The following MYNN variants were observed in gnomAD, a reference collection of about 807,000 sequenced individuals.
The protein encoded by MYNN is zinc finger and BTB domain-containing protein 31.
Under a neutral mutation model 57.2 loss-of-function variants are expected in MYNN, and 22 were observed. The observed-to-expected ratio is 0.38, with a 90% CI of 0.27 to 0.55. MYNN has a LOEUF of 0.55. Ranked by LOEUF, MYNN falls within the 20% of genes least tolerant of loss-of-function variation. The probability of loss-of-function intolerance (pLI) is 0.71; values close to 1 mark genes in which losing one functional copy is unlikely to be tolerated. For synonymous variants in MYNN, 241 were observed against 257.1 expected (o/e 0.94, Z 0.60); for missense variants, 566 against 723.1 (o/e 0.78, Z 2.49).
In MYNN at chr3:169,786,911, G is replaced by T; in HGVS notation, c.*233G>T. 2.4e-6 allele frequency: 1 copy of T among 408,286 alleles called. No homozygotes were observed. Among genetic ancestry groups the T allele is most frequent in the Non-Finnish European group, 4.4e-6 (1 of 225,892 alleles). The allele number at this position is 408,286 out of a possible 1,614,324, so 25.3% of individuals were successfully genotyped here. On this transcript the variant is annotated 3_prime_UTR_variant, in exon 8 of 8. Coordinates refer to ENST00000349841, the MANE Select transcript of MYNN (RefSeq NM_018657.5). ...TAATGAATTATGTAGCACTATTTTG[G>T]GTGGATGAGTTTTATTTTCTTTTAA...
intron 4 of MYNN, among the ~76,000 whole-genome samples, chr3:169,781,821 T>C (rs1395720250): frequency 2.0e-5 from 3 of 151,202 alleles, no homozygotes; most frequent in African/African-American, 7.3e-5. Context: ...GAAATGGAAG[T>C]AGATAGAACA....
rs184515528 is a variant in MYNN at position 169,775,681 on chromosome 3, C to T, written c.266+1120C>T. On this transcript the variant is annotated intron_variant, in intron 2 of 7. Coordinates refer to ENST00000349841, the MANE Select transcript of MYNN (RefSeq NM_018657.5). ...CCTCCCCCTTTAATTCCACATTTCT[C>T]GGAGAAAAAATAGAAAAAACAAAAA... 2.3e-3 allele frequency among the ~76,000 whole-genome samples: 356 copies of T among 152,046 alleles called. 4 individuals carry two copies. In the South Asian group the frequency reaches 0.029, roughly 12 times the overall value.
Position 169,788,128 on chromosome 3 carries a change from A to G in MYNN, c.*1450A>G, listed in dbSNP as rs1778723364. On this transcript the variant is annotated 3_prime_UTR_variant, in exon 8 of 8. Transcript: ENST00000349841. Reference sequence around the variant, plus strand: ...TTTCTTTAATTCATTAATTTTCTCTATTTGGGACCCAAGTCATAAGAACCA... The same window carrying G: ...TTTCTTTAATTCATTAATTTTCTCTGTTTGGGACCCAAGTCATAAGAACCA... 1 of 151,954 alleles carries G rather than the reference A, an allele frequency of 6.6e-6. No individual in the cohort carries two copies. Among genetic ancestry groups the G allele is most frequent in the Admixed American group, 6.6e-5 (1 of 15,242 alleles). 9.4% of individuals were successfully genotyped at this position (151,954 alleles called of 1,614,324 possible). A position where few individuals can be genotyped will look rare whatever the true frequency, so the allele number is the denominator to read the frequency against.
At position 169,782,778 on chromosome 3, in the gene MYNN, A is replaced by AT. The variant is rs1287406695; in HGVS notation, c.1399+140dup. Reference sequence around the variant, plus strand: ...TATATTTCTATAAGCTATGTTTATGATTTTTGCACATATTTGTTAAATATA... The same window carrying AT: ...TATATTTCTATAAGCTATGTTTATGATTTTTTGCACATATTTGTTAAATATA... On this transcript the variant is annotated intron_variant, in intron 5 of 7. Coordinates refer to ENST00000349841, the MANE Select transcript of MYNN (RefSeq NM_018657.5). This position sits in a 1 kb window ranked among gnomAD's most constrained non-coding sequence, Gnocchi z 4.8. 7.3e-4 allele frequency: 468 copies of AT among 641,642 alleles called. 1 individual carries two copies. Among genetic ancestry groups the AT allele is most frequent in the Middle Eastern group, 6.1e-3 (14 of 2,300 alleles). 39.7% of individuals were successfully genotyped at this position (641,642 alleles called of 1,614,324 possible). A position where few individuals can be genotyped will look rare whatever the true frequency, so the allele number is the denominator to read the frequency against.
At chr3:169,785,962 AC>A (rs1236502691) in intron 7 of MYNN, among the ~76,000 whole-genome samples, 3 of 152,082 alleles carry the variant, frequency 2.0e-5, no homozygotes, top group African/African-American at 7.2e-5. Context: ...CTTATTAAAA[AC>A]ATTCAGTGAA....
At chr3:169,780,043 G>A (rs1259738584) in intron 3 of MYNN, 3 of 160,316 alleles carry the variant, frequency 1.9e-5, no homozygotes, top group Admixed American at 1.2e-4. Context: ...CTATTGGTAC[G>A]TTTACATTCG....
chr3:169,781,292 T>G (rs2108205117), intron 4 of MYNN, among the ~76,000 whole-genome samples: 1 of 152,320 alleles, frequency 6.6e-6, no homozygotes, highest in Non-Finnish European at 1.5e-5. Context: ...TAGAACAGTT[T>G]AAGTGGAAGT....
intron 7 of MYNN, 87 bp from the exon 8 acceptor site, chr3:169,786,329 T>C: frequency 1.5e-6 from 2 of 1,290,348 alleles, no homozygotes; most frequent in South Asian, 2.9e-5. Flanking sequence ...GGAATGTAAT[T>C]TCTGGGAATG....
In MYNN at chr3:169,787,526, T is replaced by C. The variant is rs1377721375; in HGVS notation, c.*848T>C. 6.6e-6 allele frequency: 1 copy of C among 152,120 alleles called. No individual in the cohort carries two copies. The highest frequency in any genetic ancestry group is 2.4e-5 in the African/African-American group (1 of 41,442). 9.4% of individuals were successfully genotyped at this position (152,120 alleles called of 1,614,324 possible). ...TCTCTTACTCCTGTTATGCACTTTTTAAAATAAATACTGAATTCCAGAAAG... is the reference window on the plus strand; with the variant it reads ...TCTCTTACTCCTGTTATGCACTTTTCAAAATAAATACTGAATTCCAGAAAG... On this transcript the variant is annotated 3_prime_UTR_variant, in exon 8 of 8. Transcript: ENST00000349841.
intron 3 of MYNN, 33 bp downstream of exon 3, chr3:169,779,594 A>G: frequency 6.3e-7 from 1 of 1,585,568 alleles, no homozygotes. Context: ...TATTATTTTT[A>G]TACTGTGACT....
At position 169,778,978 on chromosome 3, in the gene MYNN, T is replaced by C; in HGVS notation, c.477T>C (p.Ser159=). 1 of 1,613,806 alleles carries C rather than the reference T, an allele frequency of 6.2e-7. No homozygotes were observed. The highest frequency in any genetic ancestry group is 8.5e-7 in the Non-Finnish European group (1 of 1,180,020). ...ATAATCGAGAGAAATCAGAAGTATC[T>C]ACAGATTTGATTCAGGCAAATCCTA... The part of the protein sequence containing the change: ...DYNNREKSEV[S]TDLIQANPKQ... Residue 159 remains serine (S), a synonymous_variant, in exon 3 of 8, where the codon TCT becomes TCC. Coordinates refer to ENST00000349841, the MANE Select transcript of MYNN (RefSeq NM_018657.5).
In MYNN at chr3:169,779,160, C is replaced by T. The variant is rs939278547; in HGVS notation, c.659C>T (p.Thr220Ile). 3.7e-6 allele frequency: 6 copies of T among 1,614,082 alleles called. No individual in the cohort carries two copies. The highest frequency in any genetic ancestry group is 2.7e-5 in the African/African-American group (2 of 74,932). Residue 220 changes from threonine (T) to isoleucine (I), a missense_variant, in exon 3 of 8, where the codon ACA becomes ATA. Transcript: ENST00000349841. ...ELFLDANKLP[T>I]PVVEQVAQIN... ...TTCCTAGATGCAAATAAACTGCCCA[C>T]ACCTGTAGTAGAACAAGTTGCACAA... is the stretch of plus-strand genomic sequence containing the variant.
In MYNN at chr3:169,786,440, G is replaced by A. The variant is rs373064805; in HGVS notation, c.1595G>A (p.Ser532Asn). The A allele has an allele frequency of 6.2e-7, 1 of 1,613,288 alleles. No homozygotes were observed. Among genetic ancestry groups the A allele is most frequent in the Admixed American group, 1.7e-5 (1 of 59,982 alleles). Residue 532 changes from serine (S) to asparagine (N), a missense_variant, in exon 8 of 8, where the codon AGT becomes AAT. Transcript: ENST00000349841. ...HSGADKTLDS[S>N]AEDHTLSEQD... Reference sequence around the variant, plus strand: ...GGTGCAGATAAAACTCTAGACTCCAGTGCAGAGGATCATACTTTGAGTGAA... The same window carrying A: ...GGTGCAGATAAAACTCTAGACTCCAATGCAGAGGATCATACTTTGAGTGAA...
intron 7 of MYNN, 23 bp from the exon 8 acceptor site, chr3:169,786,393 A>ATTTTTTTTT: frequency 1.3e-6 from 2 of 1,586,414 alleles, no homozygotes; most frequent in Admixed American, 1.8e-5. Flanking sequence ...GATAATGTAG[A>ATTTTTTTTT]TTTTTTTTTC....
chr3:169,778,703 T>C, intron 2 of MYNN, 65 bp from the exon 3 acceptor site: 1 of 1,289,498 alleles, frequency 7.8e-7, no homozygotes, highest in South Asian at 1.5e-5. Flanking sequence ...GAAGTATATA[T>C]GCAGCTCTGT....
chr3:169,784,346 C>A (rs1320822350), intron 6 of MYNN, among the ~76,000 whole-genome samples: 1 of 151,908 alleles, frequency 6.6e-6, no homozygotes, highest in Non-Finnish European at 1.5e-5. Flanking sequence ...CATAGAAATA[C>A]AAGAGTAGGC....
In MYNN at chr3:169,786,890, G is replaced by T; in HGVS notation, c.*212G>T. On this transcript the variant is annotated 3_prime_UTR_variant, in exon 8 of 8. Transcript: ENST00000349841. ...CTCCACAGAGAGCTTTTTAAGTAAT[G>T]AATTATGTAGCACTATTTTGGGTGG... 1.9e-6 allele frequency: 1 copy of T among 513,286 alleles called. No individual in the cohort carries two copies. The highest frequency in any genetic ancestry group is 3.1e-5 in the East Asian group (1 of 32,622). 31.8% of individuals were successfully genotyped at this position (513,286 alleles called of 1,614,324 possible).
chr3:169,784,484 C>T, intron 6 of MYNN, 138 bp from the exon 7 acceptor site: 1 of 587,066 alleles, frequency 1.7e-6, no homozygotes, highest in East Asian at 3.3e-5. Context: ...ATATTATAAC[C>T]AGGTGATTAA....
Position 169,779,066 on chromosome 3 carries a change from C to T in MYNN, c.565C>T (p.Pro189Ser). ...AAAGAAGAAGAAGGCTTTCAACTCC[C>T]CGAAAACAGGGCAGAATAAAACAGT... ...TKKKKKAFNS[P>S]KTGQNKTVQY... The change falls in exon 3 of 8, where the codon CCG (proline) becomes TCG (serine). Residue 189 changes from proline to serine, a missense_variant. By Grantham distance (74) the Pro-to-Ser change is moderately conservative. Transcript: ENST00000349841. The T allele has an allele frequency of 6.2e-7, 1 of 1,614,106 alleles. No individual in the cohort carries two copies. Among genetic ancestry groups the T allele is most frequent in the Non-Finnish European group, 8.5e-7 (1 of 1,180,034 alleles).
Sources: allele counts gnomAD v4.1 joint callset (sites outside exome capture counted in the v4.1 genomes callset), GRCh38; gene constraint gnomAD v4.1.1; non-coding constraint Gnocchi (gnomAD v3.1); transcripts MANE v1.5; gene names NCBI Gene and HGNC (gene_info 2026-07-23, HGNC 2026-07-21).